Variants in ZNF736 observed in about 807,000 individuals in gnomAD.
The protein encoded by ZNF736 is zinc finger protein 736, also known as KRAB-containing zinc-finger repressor protein.
A neutral mutation model predicts 11.7 loss-of-function variants in ZNF736; 6 were observed. That is an observed-to-expected ratio of 0.51 (90% CI 0.28 to 1.01). ZNF736 has a LOEUF of 1.01. Ranked by LOEUF, ZNF736 falls within the 50% of genes least tolerant of loss-of-function variation. The pLI, the probability that ZNF736 is intolerant of heterozygous loss-of-function variation, is 0.09. For synonymous variants in ZNF736, 139 were observed against 164.7 expected (o/e 0.84, Z 1.19); for missense variants, 444 against 496.0 (o/e 0.90, Z 1.00).
intron 3 of ZNF736, 178 bp downstream of exon 3, chr7:64,337,160 T>G: frequency 1.6e-6 from 1 of 621,950 alleles, no homozygotes; most frequent in Admixed American, 2.9e-5. Context: ...CTTGTGAATT[T>G]TCCAAGCACT....
chr7:64,319,033 C>T (rs1788956211), intron 1 of ZNF736, among the ~76,000 whole-genome samples: 1 of 152,000 alleles, frequency 6.6e-6, no homozygotes, highest in African/African-American at 2.4e-5. Context: ...TTAAGTGGAA[C>T]ATGAGACAGA....
rs574718452 is a variant in ZNF736, at chr7:64,350,651, T to C, written c.*1504T>C. The C allele has an allele frequency of 6.6e-6, 1 of 152,300 alleles. No individual in the cohort carries two copies. The highest frequency in any genetic ancestry group is 2.4e-5 in the African/African-American group (1 of 41,570). 9.4% of individuals were successfully genotyped at this position (152,300 alleles called of 1,614,324 possible). ...TGATTGTGTCTTATCTTTGTGGGCA[T>C]ATCTTTGAGGTTGCTGACCTTTGGG... On this transcript the variant is annotated 3_prime_UTR_variant, in exon 4 of 4. Transcript: ENST00000423484.
chr7:64,335,045 A>G (rs1789225631), intron 1 of ZNF736, among the ~76,000 whole-genome samples: 1 of 152,222 alleles, frequency 6.6e-6, no homozygotes. Context: ...ACACAGGAAC[A>G]GAAAACCAAA....
At chr7:64,318,444 T>C (rs1310487126) in intron 1 of ZNF736, among the ~76,000 whole-genome samples, 1 of 152,008 alleles carries the variant, frequency 6.6e-6, no homozygotes, top group African/African-American at 2.4e-5. Flanking sequence ...TTTATTTATT[T>C]ATTCTTAACA....
chr7:64,318,465 T>TA (rs1053967232), intron 1 of ZNF736, among the ~76,000 whole-genome samples: 1 of 152,000 alleles, frequency 6.6e-6, no homozygotes. Context: ...ATTATTTTTG[T>TA]AAAATCTCAT....
rs1295214734 is a variant in ZNF736, at chr7:64,351,509, T to G, written c.*2362T>G. On this transcript the variant is annotated 3_prime_UTR_variant, in exon 4 of 4. Transcript: ENST00000423484. The stretch of plus-strand genomic sequence containing the variant: ...GCTTCCAGGGTACCTGAGACTGCCC[T>G]GTAAGCAGCTGTGGCCAGACTGGGT... The G allele has an allele frequency of 3.9e-5, 6 of 152,308 alleles. No individual in the cohort carries two copies. Among genetic ancestry groups the G allele is most frequent in the African/African-American group, 1.4e-4 (6 of 41,448 alleles). 9.4% of individuals were successfully genotyped at this position (152,308 alleles called of 1,614,324 possible). A position where few individuals can be genotyped will look rare whatever the true frequency, so the allele number is the denominator to read the frequency against.
rs1789439401 is a variant in ZNF736, at chr7:64,348,360, T to C, written c.497T>C (p.Ile166Thr). ...LCSIFTEHKDIFSREKCHKCE... is the reference protein window; with the variant it reads ...LCSIFTEHKDTFSREKCHKCE... ...TCAATCTTCACTGAACATAAAGACA[T>C]TTTTAGCAGAGAGAAATGCCACAAA... Residue 166 changes from isoleucine to threonine, a missense_variant, in exon 4 of 4, where the codon ATT becomes ACT. By Grantham distance (89) the Ile-to-Thr change is moderately conservative. Coordinates refer to ENST00000423484, the MANE Select transcript of ZNF736 (RefSeq NM_001170905.3). 5.8e-6 allele frequency: 9 copies of C among 1,551,256 alleles called. No individual in the cohort carries two copies. The highest frequency in any genetic ancestry group is 7.8e-6 in the Non-Finnish European group (9 of 1,146,840).
chr7:64,314,183 T>C, intron 1 of ZNF736, 30 bp downstream of exon 1: 1 of 1,551,482 alleles, frequency 6.4e-7, no homozygotes, highest in Non-Finnish European at 8.7e-7. Context: ...GTCCCGAGAA[T>C]GGGGAAGAGG....
rs1354096994 is a variant in ZNF736 at position 64,349,314 on chromosome 7, A to G, written c.*167A>G. ...GGTTGCTTATATGTTGGGTACATAT[A>G]TAGCCCTTTGCTATTATGTAATGCC... On this transcript the variant is annotated 3_prime_UTR_variant, in exon 4 of 4. Coordinates refer to ENST00000423484, the MANE Select transcript of ZNF736 (RefSeq NM_001170905.3). 4 of 544,078 alleles carry G rather than the reference A, an allele frequency of 7.4e-6. No individual in the cohort carries two copies. The highest frequency in any genetic ancestry group is 4.2e-5 in the South Asian group (1 of 23,990). The allele number at this position is 544,078 out of a possible 1,614,324, so 33.7% of individuals were successfully genotyped here.
chr7:64,352,929 C>G lies in ZNF736; in HGVS notation c.*3782C>G, dbSNP rs1307300484. Reference sequence around the variant, plus strand: ...ACGTGAGGCATTGTTGAAGTGGGTCCTACAGACCATCACTATCAGCCCCCT... The same window carrying G: ...ACGTGAGGCATTGTTGAAGTGGGTCGTACAGACCATCACTATCAGCCCCCT... On this transcript the variant is annotated 3_prime_UTR_variant, in exon 4 of 4. Transcript: ENST00000423484. 6.6e-5 allele frequency: 10 copies of G among 152,306 alleles called. No homozygotes were observed. The highest frequency in any genetic ancestry group is 1.5e-4 in the Non-Finnish European group (10 of 68,152). The allele number at this position is 152,306 out of a possible 1,614,324, so 9.4% of individuals were successfully genotyped here. A position where few individuals can be genotyped will look rare whatever the true frequency, so the allele number is the denominator to read the frequency against.
At chr7:64,332,217 C>T (rs1403721756) in intron 1 of ZNF736, among the ~76,000 whole-genome samples, 2 of 150,120 alleles carry the variant, frequency 1.3e-5, no homozygotes, top group South Asian at 2.1e-4. Context: ...TCTCTACTGT[C>T]GGGGAACCTG....
In ZNF736 at chr7:64,314,041, C is replaced by T; in HGVS notation, c.-110C>T. 4.8e-6 allele frequency: 7 copies of T among 1,464,140 alleles called. No individual in the cohort carries two copies. Among genetic ancestry groups the T allele is most frequent in the Non-Finnish European group, 6.5e-6 (7 of 1,068,772 alleles). 90.7% of individuals were successfully genotyped at this position (1,464,140 alleles called of 1,614,324 possible). On this transcript the variant is annotated 5_prime_UTR_variant, in exon 1 of 4. Coordinates refer to ENST00000423484, the MANE Select transcript of ZNF736 (RefSeq NM_001170905.3). ...AGTTCGCGTCTCCACTGTTCCATCTCCTCCGTTCCTGGAGTTCCTCGGTGA... is the reference window on the plus strand; with the variant it reads ...AGTTCGCGTCTCCACTGTTCCATCTTCTCCGTTCCTGGAGTTCCTCGGTGA...
At position 64,350,240 on chromosome 7, in the gene ZNF736, GT is replaced by G. The variant is rs1562678183; in HGVS notation, c.*1097del. The stretch of plus-strand genomic sequence containing the variant: ...TTACATAATCCCATATTTCTTAGAG[GT>G]TTTGTTCATTCCTCTTTATTCTTTT... On this transcript the variant is annotated 3_prime_UTR_variant, in exon 4 of 4. Transcript: ENST00000423484. 6.6e-6 allele frequency: 1 copy of G among 152,106 alleles called. No individual in the cohort carries two copies. The highest frequency in any genetic ancestry group is 2.4e-5 in the African/African-American group (1 of 41,412). The allele number at this position is 152,106 out of a possible 1,614,324, so 9.4% of individuals were successfully genotyped here. A position where few individuals can be genotyped will look rare whatever the true frequency, so the allele number is the denominator to read the frequency against.
chr7:64,338,499 A>G (rs1789291212), intron 3 of ZNF736, among the ~76,000 whole-genome samples: 1 of 152,010 alleles, frequency 6.6e-6, no homozygotes, highest in South Asian at 2.1e-4. Context: ...AACATACTCC[A>G]CTTTCTCCAC....
rs1468429243 is a variant in ZNF736, at chr7:64,348,510, T to C, written c.647T>C (p.Leu216Pro). 2 of 1,571,616 alleles carry C rather than the reference T, an allele frequency of 1.3e-6. No individual in the cohort carries two copies. Among genetic ancestry groups the C allele is most frequent in the Non-Finnish European group, 8.6e-7 (1 of 1,158,774 alleles). Residue 216 changes from leucine to proline, a missense_variant, in exon 4 of 4, where the codon CTT (leucine) becomes CCT (proline). By Grantham distance (98) the Leu-to-Pro change is moderately conservative. Coordinates refer to ENST00000423484, the MANE Select transcript of ZNF736 (RefSeq NM_001170905.3). The part of the protein sequence containing the change: ...CGKAFKKFSN[L>P]TEHKRVHTGE... ...AAAGCGTTTAAAAAGTTTTCAAACC[T>C]TACTGAACATAAGAGAGTTCATACT...
intron 2 of ZNF736, 120 bp from the exon 3 acceptor site, chr7:64,336,767 T>G (rs1348271058): frequency 1.2e-6 from 1 of 826,670 alleles, no homozygotes; most frequent in African/African-American, 1.7e-5. Flanking sequence ...TAGGAAACAG[T>G]ATATTAAAAT....
In ZNF736 at chr7:64,325,049, C is replaced by A. The variant is rs150575265; in HGVS notation, c.3+10896C>A. ...GAAGTGCCCCATGGAAGACCTCTTT[C>A]CCCTTCACTATTGACTTTCGTTATA... On this transcript the variant is annotated intron_variant, in intron 1 of 3. Transcript: ENST00000423484. Among the ~76,000 whole-genome samples, 473 of 152,262 alleles carry A rather than the reference C, an allele frequency of 3.1e-3. 5 individuals are homozygous for A. Among genetic ancestry groups the A allele is most frequent in the African/African-American group, 0.011 (458 of 41,556 alleles).
At chr7:64,331,235 A>T (rs546060031) in intron 1 of ZNF736, among the ~76,000 whole-genome samples, 3 of 152,172 alleles carry the variant, frequency 2.0e-5, no homozygotes, top group African/African-American at 7.2e-5. Flanking sequence ...GGTTTTGATT[A>T]CTGAAATGGA....
rs1225533103 is a variant in ZNF736, at chr7:64,348,265, T to C, written c.402T>C (p.His134=). ...AGAAAAGCAGTTATAATGGCCTTCA[T>C]CAATGTTTGTCAGCTACCCATAGCA... ...KGQKSSYNGL[H]QCLSATHSKT... Residue 134 remains histidine (H), a synonymous_variant, in exon 4 of 4, where the codon CAT becomes CAC. Coordinates refer to ENST00000423484, the MANE Select transcript of ZNF736 (RefSeq NM_001170905.3). The C allele has an allele frequency of 6.4e-7, 1 of 1,551,988 alleles. No individual in the cohort carries two copies. The highest frequency in any genetic ancestry group is 2.4e-5 in the East Asian group (1 of 40,908).
Sources: allele counts gnomAD v4.1 joint callset (sites outside exome capture counted in the v4.1 genomes callset), GRCh38; gene constraint gnomAD v4.1.1; transcripts MANE v1.5; gene names NCBI Gene and HGNC (gene_info 2026-07-23, HGNC 2026-07-21).